Variants in SEC24D observed in about 807,000 individuals in gnomAD.
SEC24D encodes protein transport protein Sec24D.
Under a neutral mutation model 116.9 loss-of-function variants are expected in SEC24D, and 69 were observed. The ratio of observed to expected loss-of-function variants is 0.59; its 90% CI spans 0.49 to 0.72. SEC24D has a LOEUF of 0.72. Among genes scored for constraint, SEC24D ranks in the 30% least tolerant of loss-of-function variants. SEC24D has a pLI of 0.00. For synonymous variants in SEC24D, 405 were observed against 442.8 expected, an observed-to-expected ratio of 0.91 and a Z score of 1.07; for missense variants, 1,131 against 1,264.1, an observed-to-expected ratio of 0.89 and a Z score of 1.60.
Position 118,815,618 on chromosome 4 carries a change from T to C in SEC24D, c.506A>G (p.Gln169Arg). ...PQPSILQPGS[Q>R]VLPPPPTTLN... is the part of the protein sequence containing the mutation. ...TGTGGTGGGTGGTGGTGGAAGAACT[T>C]GAGATCCAGGCTGCAAAATGGAAGG... Residue 169 changes from glutamine (Q) to arginine (R), a missense_variant, in exon 5 of 23, where the codon CAA becomes CGA. Transcript: ENST00000280551. 6.2e-7 allele frequency: 1 copy of C among 1,613,608 alleles called. No homozygotes were observed. Among genetic ancestry groups the C allele is most frequent in the Non-Finnish European group, 8.5e-7 (1 of 1,179,636 alleles).
chr4:118,795,919 T>C (rs1729160525), intron 8 of SEC24D, among the ~76,000 whole-genome samples: 1 of 152,228 alleles, frequency 6.6e-6, no homozygotes. Flanking sequence ...TTATTGTAAA[T>C]GAATTTTGCC....
chr4:118,809,156 T>C (rs984650427), intron 6 of SEC24D, among the ~76,000 whole-genome samples: 9 of 152,100 alleles, frequency 5.9e-5, no homozygotes, highest in African/African-American at 1.7e-4. Flanking sequence ...GTATTTTTAG[T>C]AGAGACGGGG....
At chr4:118,766,653 C>A (rs1218438545) in intron 9 of SEC24D, 2 of 152,154 alleles carry the variant, frequency 1.3e-5, no homozygotes, top group African/African-American at 4.8e-5. Context: ...AGAGTCACAG[C>A]AAACTGAAGA....
In SEC24D at chr4:118,723,405, T is replaced by C. The variant is rs1578366127; in HGVS notation, c.*110A>G. On this transcript the variant is annotated 3_prime_UTR_variant, in exon 23 of 23. Transcript: ENST00000280551. ...ATGCCATCTCTTCCTGGAAAGTTAT[T>C]CTGAAAATGAGCAAGAAATCAAAAC... The C allele has an allele frequency of 8.7e-7, 1 of 1,155,320 alleles. No individual in the cohort carries two copies. Among genetic ancestry groups the C allele is most frequent in the East Asian group, 2.4e-5 (1 of 41,752 alleles). The allele number at this position is 1,155,320 out of a possible 1,614,324, so 71.6% of individuals were successfully genotyped here.
At chr4:118,809,613 G>A (rs1729819589) in intron 6 of SEC24D, among the ~76,000 whole-genome samples, 1 of 152,130 alleles carries the variant, frequency 6.6e-6, no homozygotes, top group East Asian at 1.9e-4. Flanking sequence ...AAGGGTCCTG[G>A]ATGAGTCACA....
rs1578374992 is a variant in SEC24D, at chr4:118,731,323, G to C, written c.2861C>G (p.Thr954Arg). ...AATGAAAATAATACTTACCATATCTGTGTTGATATGTGCAAAAGATGGCAC... is the reference window on the plus strand; with the variant it reads ...AATGAAAATAATACTTACCATATCTCTGTTGATATGTGCAAAAGATGGCAC... Reference protein sequence around the residue: ...FNVPSFAHINTDMTLLPEVGN... With the variant: ...FNVPSFAHINRDMTLLPEVGN... The change falls in exon 21 of 23, where the codon ACA (threonine) becomes AGA (arginine). Residue 954 changes from threonine to arginine, a missense_variant. Physicochemically the swap from Thr to Arg is moderately conservative, Grantham distance 71. Coordinates refer to ENST00000280551, the MANE Select transcript of SEC24D (RefSeq NM_014822.4). 5.0e-6 allele frequency: 8 copies of C among 1,608,932 alleles called. No homozygotes were observed. In the East Asian group the frequency reaches 1.8e-4, roughly 36 times the overall value.
chr4:118,744,397 T>G (rs1182011171), intron 14 of SEC24D, among the ~76,000 whole-genome samples: 1 of 152,176 alleles, frequency 6.6e-6, no homozygotes, highest in Admixed American at 6.5e-5. Flanking sequence ...TTAATTTTAT[T>G]TGATACTCCA....
chr4:118,753,894 T>C (rs548043442), intron 11 of SEC24D: 35 of 152,276 alleles, frequency 2.3e-4, no homozygotes, highest in Non-Finnish European at 3.8e-4. Context: ...GACAACTTTT[T>C]TGAAAAGGAA....
At position 118,794,603 on chromosome 4, in the gene SEC24D, A is replaced by T. The variant is rs1265479382; in HGVS notation, c.1041+3080T>A. On this transcript the variant is annotated intron_variant, in intron 8 of 22. Transcript: ENST00000280551. ...TATCTTCTGTTTATGAAAATAAAAG[A>T]TCTCTTTGATAAGGTTCAGATAGCA... Among the ~76,000 whole-genome samples the T allele has an allele frequency of 2.0e-5, 3 of 152,192 alleles. No individual in the cohort carries two copies. In the East Asian group the frequency reaches 5.8e-4, roughly 29 times the overall value.
chr4:118,743,034 A>G (rs568300826), intron 15 of SEC24D, among the ~76,000 whole-genome samples: 1 of 152,182 alleles, frequency 6.6e-6, no homozygotes, highest in East Asian at 1.9e-4. Flanking sequence ...TTCAGGGGTG[A>G]ATCAGCAAGC....
intron 8 of SEC24D, among the ~76,000 whole-genome samples, chr4:118,775,109 T>A (rs1171813431): frequency 6.6e-6 from 1 of 152,178 alleles, no homozygotes; most frequent in Non-Finnish European, 1.5e-5. Flanking sequence ...AATTGCCATA[T>A]GTTCCCATAT....
At chr4:118,800,285 A>G (rs185895877) in intron 7 of SEC24D, among the ~76,000 whole-genome samples, 117 of 152,324 alleles carry the variant, frequency 7.7e-4, no homozygotes, top group African/African-American at 2.6e-3. Context: ...TGAGAAATAC[A>G]GTATGTTGGG....
chr4:118,820,906 T>C, intron 3 of SEC24D, among the ~76,000 whole-genome samples: 1 of 152,196 alleles, frequency 6.6e-6, no homozygotes, highest in South Asian at 2.1e-4. Flanking sequence ...AGATGATTAA[T>C]AAAACATGAA....
At chr4:118,830,434 C>T (rs868566325) in intron 2 of SEC24D, among the ~76,000 whole-genome samples, 14 of 152,230 alleles carry the variant, frequency 9.2e-5, no homozygotes, top group Middle Eastern at 3.4e-3. Flanking sequence ...GAGCAAAACC[C>T]TGTCTCAAAT....
chr4:118,738,137 G>T, intron 19 of SEC24D, 124 bp downstream of exon 19: 1 of 683,958 alleles, frequency 1.5e-6, no homozygotes. Context: ...AATCTTCTCA[G>T]CTACACTGTT....
At chr4:118,750,896 A>T (rs1726793135) in intron 13 of SEC24D, among the ~76,000 whole-genome samples, 1 of 151,946 alleles carries the variant, frequency 6.6e-6, no homozygotes, top group South Asian at 2.1e-4. Context: ...TGATCCCATA[A>T]ATGAATACTC....
At chr4:118,787,723 G>A (rs1343846602) in intron 8 of SEC24D, among the ~76,000 whole-genome samples, 2 of 152,144 alleles carry the variant, frequency 1.3e-5, no homozygotes, top group Non-Finnish European at 2.9e-5. Context: ...TGTGAGAATC[G>A]CTTGAGCCTG....
intron 11 of SEC24D, among the ~76,000 whole-genome samples, chr4:118,753,618 A>G (rs1031674764): frequency 3.9e-5 from 6 of 152,056 alleles, no homozygotes; most frequent in African/African-American, 1.4e-4. Flanking sequence ...CTGTAAGTAT[A>G]AAGGCATGAA....
intron 8 of SEC24D, among the ~76,000 whole-genome samples, chr4:118,780,833 T>G (rs1350395330): frequency 6.6e-6 from 1 of 152,060 alleles, no homozygotes; most frequent in Non-Finnish European, 1.5e-5. Context: ...TTTACCATTA[T>G]GCAATGGCCT....
Sources: allele counts gnomAD v4.1 joint callset (sites outside exome capture counted in the v4.1 genomes callset), GRCh38; gene constraint gnomAD v4.1.1; transcripts MANE v1.5; gene names NCBI Gene and HGNC (gene_info 2026-07-23, HGNC 2026-07-21).